HELZ: variants seen among roughly 807,000 people sequenced by gnomAD.
HELZ encodes the protein ATP-dependent RNA helicase with zinc finger domain.
HELZ carries 23 observed loss-of-function variants against 218.2 expected under a neutral mutation model. The observed-to-expected ratio is 0.11, with a 90% CI of 0.08 to 0.15. HELZ has a LOEUF of 0.15. Among genes scored for constraint, HELZ ranks in the 10% least tolerant of loss-of-function variants. The pLI is 1.00. For missense variants in HELZ, 1,813 were observed against 2,353.7 expected, an observed-to-expected ratio of 0.77 and a Z score of 4.75; for synonymous variants, 814 against 829.4, an observed-to-expected ratio of 0.98 and a Z score of 0.32.
chr17:67,186,067 C>A (rs112066463), intron 12 of HELZ, among the ~76,000 whole-genome samples: 3 of 152,082 alleles, frequency 2.0e-5, no homozygotes, highest in African/African-American at 7.2e-5. Flanking sequence ...CATCTGCAGG[C>A]ACTGTGGCCT....
chr17:67,184,991 T>C (rs1490499951), intron 12 of HELZ, among the ~76,000 whole-genome samples: 1 of 152,148 alleles, frequency 6.6e-6, no homozygotes, highest in Non-Finnish European at 1.5e-5. Flanking sequence ...GAATTCCCAA[T>C]TGCATTTGGC....
chr17:67,139,441 C>T (rs990123861), intron 21 of HELZ, among the ~76,000 whole-genome samples: 4 of 152,154 alleles, frequency 2.6e-5, no homozygotes, highest in South Asian at 2.1e-4. Flanking sequence ...ACCTCTGCTG[C>T]GCCCTCCCAC....
At chr17:67,206,449 C>A (rs1048997051) in intron 5 of HELZ, among the ~76,000 whole-genome samples, 1 of 152,148 alleles carries the variant, frequency 6.6e-6, no homozygotes, top group African/African-American at 2.4e-5. Context: ...TAGCCTCTGG[C>A]TATCACAAGG....
chr17:67,115,307 C>A (rs2037396085), intron 27 of HELZ, among the ~76,000 whole-genome samples: 1 of 151,922 alleles, frequency 6.6e-6, no homozygotes, highest in Admixed American at 6.6e-5. Flanking sequence ...CACCCATAAA[C>A]TGTGCAAAAA....
intron 15 of HELZ, among the ~76,000 whole-genome samples, chr17:67,163,559 C>T (rs1395376598): frequency 1.3e-5 from 2 of 150,376 alleles, no homozygotes; most frequent in African/African-American, 2.5e-5. Context: ...CCACCACGCT[C>T]GGCTAATTTT....
intron 10 of HELZ, among the ~76,000 whole-genome samples, 164 bp from the exon 11 acceptor site, chr17:67,189,860 T>C (rs917579762): frequency 1.3e-5 from 2 of 152,164 alleles, no homozygotes; most frequent in Non-Finnish European, 2.9e-5. Context: ...GAACAAAATA[T>C]AGTAAAGCTA....
chr17:67,227,699 TG>T (rs1836572067), intron 3 of HELZ, among the ~76,000 whole-genome samples: 1 of 152,156 alleles, frequency 6.6e-6, no homozygotes, highest in African/African-American at 2.4e-5. Context: ...GCTAGATGGT[TG>T]GTCCAGGACC....
In HELZ at chr17:67,075,625, T is replaced by C. The variant is rs1567777702; in HGVS notation, c.*2627A>G. 1.3e-5 allele frequency: 2 copies of C among 152,168 alleles called. No homozygotes were observed. Among genetic ancestry groups the C allele is most frequent in the Admixed American group, 1.3e-4 (2 of 15,282 alleles). 9.4% of individuals were successfully genotyped at this position (152,168 alleles called of 1,614,324 possible). A position where few individuals can be genotyped will look rare whatever the true frequency, so the allele number is the denominator to read the frequency against. ...ATTCTTACACAAGACGTGTTCAAAA[T>C]GTTATAAGATACTATGCGTAAAGAG... On this transcript the variant is annotated 3_prime_UTR_variant, in exon 33 of 33. Coordinates refer to ENST00000358691, the MANE Select transcript of HELZ (RefSeq NM_014877.4).
intron 31 of HELZ, among the ~76,000 whole-genome samples, chr17:67,092,252 GTCA>G (rs2036594314): frequency 6.6e-6 from 1 of 152,060 alleles, no homozygotes; most frequent in Non-Finnish European, 1.5e-5. Flanking sequence ...CATGAGCCTC[GTCA>G]TCAATAGAGG....
intron 3 of HELZ, chr17:67,224,769 G>A (rs1188603292): frequency 1.7e-6 from 2 of 1,176,126 alleles, no homozygotes; most frequent in South Asian, 1.2e-5. Context: ...TCTGTAAGAA[G>A]TGTGGCAAGC....
chr17:67,082,440 A>C (rs973524524), intron 32 of HELZ, among the ~76,000 whole-genome samples: 1 of 152,268 alleles, frequency 6.6e-6, no homozygotes, highest in Non-Finnish European at 1.5e-5. Context: ...AACCATGTTA[A>C]CATCAGCAAT....
intron 30 of HELZ, 64 bp from the exon 31 acceptor site, chr17:67,107,749 G>A: frequency 7.1e-7 from 1 of 1,413,828 alleles, no homozygotes; most frequent in Admixed American, 2.1e-5. Context: ...GGAAAGCTTA[G>A]TCAACTACAC....
chr17:67,121,378 A>C (rs568692417), intron 26 of HELZ, among the ~76,000 whole-genome samples: 2 of 152,374 alleles, frequency 1.3e-5, no homozygotes, highest in South Asian at 4.1e-4. Context: ...TACTATTTAA[A>C]GCAGATGATG....
At chr17:67,147,330 T>C (rs924765645) in intron 20 of HELZ, among the ~76,000 whole-genome samples, 1 of 152,174 alleles carries the variant, frequency 6.6e-6, no homozygotes, top group African/African-American at 2.4e-5. Context: ...TCATCCACAG[T>C]TCCTGGCTCA....
intron 13 of HELZ, among the ~76,000 whole-genome samples, chr17:67,177,390 A>G (rs957329051): frequency 6.6e-6 from 1 of 152,134 alleles, no homozygotes; most frequent in Admixed American, 6.6e-5. Flanking sequence ...GCACATTCTA[A>G]AGTAATGGAA....
intron 3 of HELZ, among the ~76,000 whole-genome samples, chr17:67,229,096 C>T (rs2143410946): frequency 6.6e-6 from 1 of 152,302 alleles, no homozygotes; most frequent in East Asian, 1.9e-4. Context: ...AGCAGCAAGG[C>T]CCTGGTAAGC....
At chr17:67,137,580 AG>A (rs2038192730) in intron 22 of HELZ, among the ~76,000 whole-genome samples, 1 of 152,200 alleles carries the variant, frequency 6.6e-6, no homozygotes, top group African/African-American at 2.4e-5. Context: ...AACTTAGAAA[AG>A]TCTATACATA....
At chr17:67,082,273 C>A (rs1598173138) in intron 32 of HELZ, among the ~76,000 whole-genome samples, 1 of 152,188 alleles carries the variant, frequency 6.6e-6, no homozygotes, top group Admixed American at 6.5e-5. Context: ...AGTGAGGTAG[C>A]TCTATCCTTG....
At chr17:67,166,316 C>T (rs1226284011) in intron 15 of HELZ, among the ~76,000 whole-genome samples, 162 bp downstream of exon 15, 1 of 152,164 alleles carries the variant, frequency 6.6e-6, no homozygotes, top group African/African-American at 2.4e-5. Flanking sequence ...TGATGAACCT[C>T]AAATGTTTCA....
Sources: allele counts gnomAD v4.1 joint callset (sites outside exome capture counted in the v4.1 genomes callset), GRCh38; gene constraint gnomAD v4.1.1; transcripts MANE v1.5; gene names NCBI Gene and HGNC (gene_info 2026-07-23, HGNC 2026-07-21).